The following TEAD1 variants were observed in gnomAD, a reference collection of about 807,000 sequenced individuals.
TEAD1 encodes transcriptional enhancer factor TEF-1.
TEAD1 carries 9 observed loss-of-function variants against 54.9 expected under a neutral mutation model. That is an observed-to-expected ratio of 0.16 (90% CI 0.10 to 0.29). The LOEUF (loss-of-function observed/expected upper bound fraction) is 0.29. TEAD1 is among the 10% of genes least tolerant of loss of function. TEAD1 has a pLI of 1.00. For missense variants in TEAD1, 387 were observed against 535.9 expected, an observed-to-expected ratio of 0.72 and a Z score of 2.74; for synonymous variants, 200 against 187.8, an observed-to-expected ratio of 1.07 and a Z score of -0.53.
At chr11:12,787,355 T>C (rs1199763734) in intron 3 of TEAD1, among the ~76,000 whole-genome samples, 2 of 152,214 alleles carry the variant, frequency 1.3e-5, no homozygotes, top group Admixed American at 6.5e-5. Flanking sequence ...ATCTACCTCT[T>C]TTTTGCTAAC....
intron 9 of TEAD1, among the ~76,000 whole-genome samples, chr11:12,887,097 G>GTTTTTTTTTT (rs150663285): frequency 8.9e-6 from 1 of 112,824 alleles, no homozygotes; most frequent in African/African-American, 3.4e-5. Flanking sequence ...TTTTTTGTTT[G>GTTTTTTTTTT]TTTTTTTTTT....
chr11:12,850,341 C>T (rs1211054737), intron 3 of TEAD1, among the ~76,000 whole-genome samples: 1 of 152,160 alleles, frequency 6.6e-6, no homozygotes, highest in African/African-American at 2.4e-5. Context: ...GAGGCTGAGG[C>T]AGGAGAACAG....
At chr11:12,770,650 A>G (rs931414133) in intron 3 of TEAD1, among the ~76,000 whole-genome samples, 1 of 152,222 alleles carries the variant, frequency 6.6e-6, no homozygotes, top group Non-Finnish European at 1.5e-5. Context: ...AGGTCCAGCA[A>G]GGTCAAGTTA....
At chr11:12,922,023 A>G (rs1451065047) in intron 10 of TEAD1, among the ~76,000 whole-genome samples, 3 of 152,226 alleles carry the variant, frequency 2.0e-5, no homozygotes, top group South Asian at 2.1e-4. Flanking sequence ...ATAAAACCGG[A>G]TAAGTACAAG....
chr11:12,832,676 T>G (rs1946806339), intron 3 of TEAD1, among the ~76,000 whole-genome samples: 1 of 152,258 alleles, frequency 6.6e-6, no homozygotes, highest in Admixed American at 6.5e-5. Context: ...ATGCCCCAGC[T>G]ACTGGATCAT....
At chr11:12,851,668 C>T (rs182164465) in intron 3 of TEAD1, among the ~76,000 whole-genome samples, 3 of 151,980 alleles carry the variant, frequency 2.0e-5, no homozygotes, top group East Asian at 1.9e-4. Context: ...GACATGGTGG[C>T]GGGCAACTGT....
At chr11:12,765,030 C>T (rs1300396115) in intron 3 of TEAD1, among the ~76,000 whole-genome samples, 1 of 151,790 alleles carries the variant, frequency 6.6e-6, no homozygotes, top group African/African-American at 2.4e-5. Context: ...TGCCAGTTTG[C>T]AGTTGAATGG....
intron 3 of TEAD1, among the ~76,000 whole-genome samples, chr11:12,812,080 G>C (rs1211182184): frequency 6.6e-6 from 1 of 152,162 alleles, no homozygotes; most frequent in East Asian, 1.9e-4. Context: ...CACACAGAGA[G>C]TTATGCACCA....
At position 12,924,998 on chromosome 11, in the gene TEAD1, C is replaced by A; in HGVS notation, c.960C>A (p.Val320=). ...ACGAGAGTTCTGAAAATATGACAGT[C>A]ACCTGTTCCACCAAAGTTTGCTCCT... The change falls in exon 11 of 13, where the codon GTC becomes GTA. Residue 320 remains valine, a synonymous_variant. Transcript: ENST00000527636. The A allele has an allele frequency of 6.2e-7, 1 of 1,614,148 alleles. No homozygotes were observed. The highest frequency in any genetic ancestry group is 8.5e-7 in the Non-Finnish European group (1 of 1,180,032).
intron 5 of TEAD1, among the ~76,000 whole-genome samples, chr11:12,877,730 C>CT (rs1438785952): frequency 2.6e-5 from 4 of 151,418 alleles, no homozygotes; most frequent in Non-Finnish European, 5.9e-5. Flanking sequence ...CCTCCCTTTC[C>CT]TTTTTTCCTC....
At chr11:12,677,608 A>G (rs1943124636) in intron 2 of TEAD1, among the ~76,000 whole-genome samples, 1 of 152,230 alleles carries the variant, frequency 6.6e-6, no homozygotes, top group Non-Finnish European at 1.5e-5. Flanking sequence ...AGCAACAATT[A>G]TGAGGGCATT....
At chr11:12,734,478 C>T (rs549305207) in intron 2 of TEAD1, among the ~76,000 whole-genome samples, 10 of 152,172 alleles carry the variant, frequency 6.6e-5, no homozygotes, top group Non-Finnish European at 1.3e-4. Context: ...TCTACAGTAG[C>T]GTACAGTAAT....
chr11:12,906,632 G>A (rs1026627587), intron 10 of TEAD1, among the ~76,000 whole-genome samples: 13 of 151,904 alleles, frequency 8.6e-5, no homozygotes, highest in Admixed American at 2.6e-4. Context: ...AAAATCCAGC[G>A]TTGGAATTTG....
intron 2 of TEAD1, among the ~76,000 whole-genome samples, chr11:12,757,275 G>A (rs1050221439): frequency 6.6e-6 from 1 of 152,020 alleles, no homozygotes; most frequent in Non-Finnish European, 1.5e-5. Context: ...CACCTCCTTG[G>A]CTTCTGGTCT....
chr11:12,767,412 AC>A (rs1447186308), intron 3 of TEAD1, among the ~76,000 whole-genome samples: 1 of 152,220 alleles, frequency 6.6e-6, no homozygotes, highest in African/African-American at 2.4e-5. Flanking sequence ...TTAGTGAAAT[AC>A]CGAGTGTTTT....
At chr11:12,734,471 A>AC (rs1220568868) in intron 2 of TEAD1, among the ~76,000 whole-genome samples, 2 of 152,222 alleles carry the variant, frequency 1.3e-5, no homozygotes, top group Non-Finnish European at 2.9e-5. Flanking sequence ...TATAAAGTCT[A>AC]CAGTAGCGTA....
intron 2 of TEAD1, among the ~76,000 whole-genome samples, chr11:12,740,671 A>G (rs1285045305): frequency 6.6e-6 from 1 of 152,156 alleles, no homozygotes; most frequent in Non-Finnish European, 1.5e-5. Context: ...TAAAACCATC[A>G]GATCTTGTGA....
chr11:12,837,969 A>G (rs569552088), intron 3 of TEAD1, among the ~76,000 whole-genome samples: 1 of 151,088 alleles, frequency 6.6e-6, no homozygotes, highest in East Asian at 1.9e-4. Flanking sequence ...ATTTTTTTGT[A>G]TTTTTTTAGT....
intron 3 of TEAD1, among the ~76,000 whole-genome samples, chr11:12,801,321 C>T (rs1213051150): frequency 2.6e-5 from 4 of 152,096 alleles, no homozygotes; most frequent in Non-Finnish European, 5.9e-5. Context: ...TTGGGGTGGA[C>T]GGGGCCACAG....
Sources: gnomAD v4.1 joint callset for allele counts (sites outside exome capture counted in the v4.1 genomes callset) on GRCh38, gnomAD v4.1.1 for gene constraint, MANE v1.5 for transcripts, NCBI Gene and HGNC (gene_info 2026-07-23, HGNC 2026-07-21) for gene names.